Variants in PPM1H observed in about 807,000 individuals in gnomAD.
PPM1H encodes protein phosphatase, Mg2+/Mn2+ dependent 1H, also known as protein phosphatase 1H.
A neutral mutation model predicts 54.9 loss-of-function variants in PPM1H; 27 were observed. The observed-to-expected ratio is 0.49, with a 90% confidence interval of 0.36 to 0.68. The LOEUF is 0.68. Ranked by LOEUF, PPM1H falls within the 30% of genes least tolerant of loss-of-function variation. The pLI, the probability that PPM1H is intolerant of heterozygous loss-of-function variation, is 0.00. For synonymous variants in PPM1H, 305 were observed against 270.8 expected (o/e 1.13, Z -1.24); for missense variants, 596 against 667.8 (o/e 0.89, Z 1.19).
chr12:62,768,393 T>C (rs1310924531), intron 4 of PPM1H, among the ~76,000 whole-genome samples: 27 of 152,066 alleles, frequency 1.8e-4, no homozygotes. Context: ...GGGGAAGACA[T>C]GCCTGTAATC....
At chr12:62,777,330 T>G (rs11174644) in intron 4 of PPM1H, among the ~76,000 whole-genome samples, 23,979 of 152,134 alleles carry the variant, frequency 0.16, 2,864 homozygotes, top group African/African-American at 0.34. Flanking sequence ...TGTAAATGGA[T>G]GCCTGACTGC....
intron 8 of PPM1H, among the ~76,000 whole-genome samples, chr12:62,689,057 G>C (rs1399435134): frequency 6.6e-6 from 1 of 152,162 alleles, no homozygotes; most frequent in Non-Finnish European, 1.5e-5. Context: ...ACTGTACGTG[G>C]AAGGTGCTCT....
intron 4 of PPM1H, among the ~76,000 whole-genome samples, chr12:62,753,775 C>G (rs949414440): frequency 1.1e-4 from 16 of 152,208 alleles, no homozygotes; most frequent in Admixed American, 2.0e-4. Flanking sequence ...CTGGCTTTCT[C>G]CATTCTGGTT....
At chr12:62,804,775 A>G (rs1204509221) in intron 2 of PPM1H, among the ~76,000 whole-genome samples, 1 of 139,644 alleles carries the variant, frequency 7.2e-6, no homozygotes, top group African/African-American at 2.7e-5. Context: ...TCCCAGGTTC[A>G]CGCCATTCTC....
intron 2 of PPM1H, among the ~76,000 whole-genome samples, chr12:62,808,830 C>G (rs1382442828): frequency 3.3e-5 from 5 of 152,086 alleles, no homozygotes; most frequent in African/African-American, 7.2e-5. Flanking sequence ...ATTTTACCAC[C>G]TGGTGGGTAC....
chr12:62,926,098 T>A (rs1146090), intron 1 of PPM1H, among the ~76,000 whole-genome samples: 129,807 of 152,148 alleles, frequency 0.85, 55,679 homozygotes, highest in Non-Finnish European at 0.9. Context: ...AAACTGAACC[T>A]ATTGGAGTCT....
At chr12:62,650,815 C>G (rs1425221482) in intron 9 of PPM1H, among the ~76,000 whole-genome samples, 2 of 152,056 alleles carry the variant, frequency 1.3e-5, no homozygotes, top group Non-Finnish European at 2.9e-5. Flanking sequence ...TGGGGGAACT[C>G]GGTCCCCATG....
intron 1 of PPM1H, among the ~76,000 whole-genome samples, chr12:62,861,064 G>A (rs797004112): frequency 2.6e-5 from 4 of 152,296 alleles, no homozygotes; most frequent in African/African-American, 7.2e-5. Context: ...AATGTAATAC[G>A]AGTAAGACGA....
chr12:62,868,020 A>T (rs1869846277), intron 1 of PPM1H, among the ~76,000 whole-genome samples: 1 of 152,084 alleles, frequency 6.6e-6, no homozygotes, highest in African/African-American at 2.4e-5. Flanking sequence ...ACCATGTCTA[A>T]CAAGATGTAA....
intron 4 of PPM1H, among the ~76,000 whole-genome samples, chr12:62,760,101 T>G (rs1009513699): frequency 2.6e-5 from 4 of 152,226 alleles, no homozygotes; most frequent in African/African-American, 9.7e-5. Flanking sequence ...TATTTTCTTC[T>G]GCAATACTGT....
chr12:62,657,530 G>A (rs894931382), intron 9 of PPM1H, among the ~76,000 whole-genome samples: 1 of 152,160 alleles, frequency 6.6e-6, no homozygotes, highest in Non-Finnish European at 1.5e-5. Context: ...TTGCAAAAGA[G>A]AGAAAACTGC....
At chr12:62,932,628 C>CTTTT (rs61003358) in intron 1 of PPM1H, among the ~76,000 whole-genome samples, 1,094 of 53,924 alleles carry the variant, frequency 0.02, 233 homozygotes, top group African/African-American at 0.045. Context: ...TCCAAATGGG[C>CTTTT]TTTTTTTTTT....
chr12:62,923,694 G>A (rs1247958605), intron 1 of PPM1H, among the ~76,000 whole-genome samples: 1 of 152,154 alleles, frequency 6.6e-6, no homozygotes, highest in Non-Finnish European at 1.5e-5. Context: ...GAGCCACTGA[G>A]CCTGGCCGAA....
At chr12:62,802,955 C>T (rs981357429) in intron 2 of PPM1H, among the ~76,000 whole-genome samples, 1 of 152,054 alleles carries the variant, frequency 6.6e-6, no homozygotes. Flanking sequence ...CTTGGAAAAA[C>T]GCCCTTTCTC....
chr12:62,662,395 T>C (rs1413570922), intron 9 of PPM1H, among the ~76,000 whole-genome samples: 1 of 152,214 alleles, frequency 6.6e-6, no homozygotes, highest in East Asian at 1.9e-4. Context: ...GTGCCATCAA[T>C]TCCTCCACAC....
chr12:62,804,676 CTTT>C (rs759291510), intron 2 of PPM1H, among the ~76,000 whole-genome samples: 2 of 116,192 alleles, frequency 1.7e-5, no homozygotes, highest in Non-Finnish European at 3.6e-5. Context: ...CTTTTTTTTT[CTTT>C]TTTTTTTTTT....
intron 6 of PPM1H, among the ~76,000 whole-genome samples, chr12:62,701,918 A>T (rs1362399435): frequency 1.3e-5 from 2 of 152,176 alleles, no homozygotes; most frequent in African/African-American, 4.8e-5. Flanking sequence ...TTAACTCCAT[A>T]AAGGCACAGA....
At chr12:62,795,701 G>A (rs2076729498) in intron 3 of PPM1H, among the ~76,000 whole-genome samples, 2 of 151,834 alleles carry the variant, frequency 1.3e-5, no homozygotes, top group African/African-American at 4.8e-5. Flanking sequence ...CAAAGTGCTG[G>A]GATTACAGGC....
intron 9 of PPM1H, among the ~76,000 whole-genome samples, chr12:62,664,980 CTTTT>C (rs773613533): frequency 7.3e-6 from 1 of 137,340 alleles, no homozygotes; most frequent in Admixed American, 7.3e-5. Flanking sequence ...TGAATGTCTT[CTTTT>C]TTTTTTTTTT....
Sources: allele counts gnomAD v4.1 joint callset (sites outside exome capture counted in the v4.1 genomes callset), GRCh38; gene constraint gnomAD v4.1.1; transcripts MANE v1.5; gene names NCBI Gene and HGNC (gene_info 2026-07-23, HGNC 2026-07-21).